Variants in LMBRD1 observed in about 807,000 individuals in gnomAD.
LMBRD1 encodes the protein LMBR1 domain containing 1.
LMBRD1 carries 64 observed loss-of-function variants against 74.8 expected under a neutral mutation model. That is an observed-to-expected ratio of 0.86 (90% CI 0.70 to 1.05). The LOEUF is 1.05. LMBRD1 is among the 50% of genes least tolerant of loss of function. LMBRD1 has a pLI of 0.00. For missense variants in LMBRD1, 652 were observed against 645.9 expected (o/e 1.01, Z -0.10); for synonymous variants, 204 against 216.3 (o/e 0.94, Z 0.50).
rs1235579287 is a variant in LMBRD1, at chr6:69,676,021, A to C, written c.*137T>G. The stretch of plus-strand genomic sequence containing the variant: ...ACAATGTTACTTCAGAAAACATATA[A>C]TAAAATATAGTTGTCTTATAGCCAT... On this transcript the variant is annotated 3_prime_UTR_variant, in exon 16 of 16. Coordinates refer to ENST00000649934, the MANE Select transcript of LMBRD1 (RefSeq NM_018368.4). 1.5e-6 allele frequency: 1 copy of C among 687,382 alleles called. No homozygotes were observed. Among genetic ancestry groups the C allele is most frequent in the Non-Finnish European group, 2.6e-6 (1 of 386,054 alleles). 42.6% of individuals were successfully genotyped at this position (687,382 alleles called of 1,614,324 possible). A position where few individuals can be genotyped will look rare whatever the true frequency, so the allele number is the denominator to read the frequency against.
chr6:69,696,542 G>A (rs1313735695), intron 14 of LMBRD1, among the ~76,000 whole-genome samples: 1 of 151,700 alleles, frequency 6.6e-6, no homozygotes, highest in Non-Finnish European at 1.5e-5. Context: ...AAACTCTCTT[G>A]AACACACGCC....
intron 8 of LMBRD1, among the ~76,000 whole-genome samples, chr6:69,718,501 G>A (rs797014212): frequency 4.6e-5 from 7 of 152,066 alleles, no homozygotes; most frequent in Non-Finnish European, 7.4e-5. Flanking sequence ...AGAACTACTC[G>A]AGACTGGGTA....
chr6:69,745,615 TA>T (rs1175262339), intron 5 of LMBRD1, among the ~76,000 whole-genome samples: 4 of 152,210 alleles, frequency 2.6e-5, no homozygotes, highest in African/African-American at 9.7e-5. Flanking sequence ...GCTAATGTCA[TA>T]TCCTGTCACT....
At chr6:69,731,044 T>A (rs1455880332) in intron 7 of LMBRD1, among the ~76,000 whole-genome samples, 1 of 152,084 alleles carries the variant, frequency 6.6e-6, no homozygotes. Context: ...ACAATACACT[T>A]TTTTAGCTTC....
At chr6:69,779,755 A>G (rs1765785100) in intron 3 of LMBRD1, among the ~76,000 whole-genome samples, 1 of 152,228 alleles carries the variant, frequency 6.6e-6, no homozygotes, top group Non-Finnish European at 1.5e-5. Context: ...TTGAAAATGA[A>G]TACATATTAT....
chr6:69,754,824 A>C (rs1338072804), intron 3 of LMBRD1, among the ~76,000 whole-genome samples: 2 of 152,258 alleles, frequency 1.3e-5, no homozygotes, highest in African/African-American at 2.4e-5. Context: ...CAGCCAACAA[A>C]CATATGAAAA....
intron 7 of LMBRD1, among the ~76,000 whole-genome samples, chr6:69,725,822 C>G (rs1414813931): frequency 6.6e-6 from 1 of 152,128 alleles, no homozygotes; most frequent in African/African-American, 2.4e-5. Flanking sequence ...GGACATTGGT[C>G]TGGATAAAGC....
At chr6:69,759,398 A>C (rs1028617009) in intron 3 of LMBRD1, among the ~76,000 whole-genome samples, 5 of 152,294 alleles carry the variant, frequency 3.3e-5, no homozygotes, top group Non-Finnish European at 7.4e-5. Flanking sequence ...TCTCACCTGC[A>C]AATTGATTCT....
rs137875267 is a variant in LMBRD1, at chr6:69,779,862, T to G, written c.307+632A>C. Among the ~76,000 whole-genome samples the G allele has an allele frequency of 4.8e-3, 726 of 152,348 alleles. 7 individuals are homozygous for G. Among genetic ancestry groups the G allele is most frequent in the Middle Eastern group, 0.017 (5 of 294 alleles). On this transcript the variant is annotated intron_variant, in intron 3 of 15. Transcript: ENST00000649934. ...TGTAGGAGTTATTAAGAAATTATTG[T>G]AGGCAGATAGAGAGGAAAACGGTCC...
intron 3 of LMBRD1, among the ~76,000 whole-genome samples, chr6:69,757,218 T>C (rs1292876557): frequency 6.6e-6 from 1 of 152,084 alleles, no homozygotes; most frequent in Non-Finnish European, 1.5e-5. Flanking sequence ...TACCTTTCTA[T>C]GATTGAACAT....
intron 12 of LMBRD1, 125 bp downstream of exon 12, chr6:69,700,640 G>A: frequency 1.6e-6 from 1 of 607,746 alleles, no homozygotes; most frequent in South Asian, 3.9e-5. Flanking sequence ...AAGTGAAAAG[G>A]CTAGTATTTC....
chr6:69,689,653 T>A (rs1265288635), intron 14 of LMBRD1, among the ~76,000 whole-genome samples: 1 of 152,146 alleles, frequency 6.6e-6, no homozygotes, highest in Non-Finnish European at 1.5e-5. Flanking sequence ...CTATGTTTGC[T>A]TGTTCTAAGT....
intron 2 of LMBRD1, among the ~76,000 whole-genome samples, chr6:69,782,973 T>C (rs992511830): frequency 1.3e-5 from 2 of 151,684 alleles, no homozygotes; most frequent in Non-Finnish European, 2.9e-5. Context: ...AATAGTAAAA[T>C]TTACTACTGT....
chr6:69,687,998 T>C (rs943536575), intron 14 of LMBRD1, among the ~76,000 whole-genome samples: 6 of 152,134 alleles, frequency 3.9e-5, no homozygotes, highest in African/African-American at 1.4e-4. Flanking sequence ...AGATAGTCCA[T>C]ATTCAAACCT....
intron 1 of LMBRD1, among the ~76,000 whole-genome samples, chr6:69,794,872 A>G (rs764078852): frequency 6.6e-6 from 1 of 152,222 alleles, no homozygotes; most frequent in Non-Finnish European, 1.5e-5. Flanking sequence ...GCATGGGTAA[A>G]AGAGCCTTTC....
chr6:69,791,411 C>T (rs966142426), intron 1 of LMBRD1, among the ~76,000 whole-genome samples: 2 of 152,196 alleles, frequency 1.3e-5, no homozygotes, highest in Non-Finnish European at 2.9e-5. Context: ...GAGTCAGAAT[C>T]ACCTGGGTAA....
intron 14 of LMBRD1, among the ~76,000 whole-genome samples, chr6:69,686,383 C>G (rs993678559): frequency 3.3e-5 from 5 of 152,258 alleles, no homozygotes; most frequent in African/African-American, 1.2e-4. Context: ...CAATAACCAG[C>G]TGCGGTGCTC....
At chr6:69,727,354 A>T (rs992416020) in intron 7 of LMBRD1, among the ~76,000 whole-genome samples, 1 of 152,162 alleles carries the variant, frequency 6.6e-6, no homozygotes, top group Non-Finnish European at 1.5e-5. Context: ...AATAATTTTT[A>T]AAAGTGTTCC....
intron 8 of LMBRD1, among the ~76,000 whole-genome samples, chr6:69,715,646 T>C (rs1161515788): frequency 6.6e-6 from 1 of 152,150 alleles, no homozygotes; most frequent in Non-Finnish European, 1.5e-5. Flanking sequence ...CTATGGTTTT[T>C]ACTGTTAAGC....
Sources: allele counts gnomAD v4.1 joint callset (sites outside exome capture counted in the v4.1 genomes callset), GRCh38; gene constraint gnomAD v4.1.1; transcripts MANE v1.5; gene names NCBI Gene and HGNC (gene_info 2026-07-23, HGNC 2026-07-21).